FAM216B: variants seen among roughly 807,000 people sequenced by gnomAD.
FAM216B encodes the protein protein FAM216B.
A neutral mutation model predicts 12.9 loss-of-function variants in FAM216B; 11 were observed. That is an observed-to-expected ratio of 0.86 (90% confidence interval 0.54 to 1.42). FAM216B has a LOEUF of 1.42. Ranked by LOEUF, FAM216B falls within the 40% of genes most tolerant of loss-of-function variation. The probability of loss-of-function intolerance (pLI) is 0.00; values close to 1 mark genes in which losing one functional copy is unlikely to be tolerated. For synonymous variants in FAM216B, 52 were observed against 57.2 expected (o/e 0.91, Z 0.41); for missense variants, 167 against 162.9 (o/e 1.02, Z -0.14).
In FAM216B at chr13:42,790,531, A is replaced by G. The variant is rs1164191201; in HGVS notation, c.*1741A>G. The stretch of plus-strand genomic sequence containing the variant: ...AAGGACAAATAGATCTAAGTTGGGC[A>G]AAAGATTCTATTTGTTGGTTCTCCC... On this transcript the variant is annotated 3_prime_UTR_variant, in exon 4 of 4. Transcript: ENST00000313851. The G allele has an allele frequency of 6.6e-6, 1 of 152,170 alleles. No individual in the cohort carries two copies. The highest frequency in any genetic ancestry group is 2.4e-5 in the African/African-American group (1 of 41,444). 9.4% of individuals were successfully genotyped at this position (152,170 alleles called of 1,614,324 possible). A position where few individuals can be genotyped will look rare whatever the true frequency, so the allele number is the denominator to read the frequency against.
intron 3 of FAM216B, among the ~76,000 whole-genome samples, chr13:42,787,905 G>A (rs1186884221): frequency 6.6e-6 from 1 of 152,156 alleles, no homozygotes; most frequent in Non-Finnish European, 1.5e-5. Context: ...TTACAGAAGA[G>A]AAAACTAAAA....
rs61051465 is a variant in FAM216B at position 42,789,636 on chromosome 13, T to TTGTGTGTGTGTGTGTG, written c.*864_*879dup. On this transcript the variant is annotated 3_prime_UTR_variant, in exon 4 of 4. Transcript: ENST00000313851. The stretch of plus-strand genomic sequence containing the variant: ...ATGGTTATTTTCATCACCAGAGATT[T>TTGTGTGTGTGTGTGTG]TGTGTGTGTGTGTGTGTGTGTGTGT... The TTGTGTGTGTGTGTGTG allele has an allele frequency of 1.4e-4, 21 of 150,372 alleles. No homozygotes were observed. The highest frequency in any genetic ancestry group is 5.1e-4 in the African/African-American group (21 of 40,954). 9.3% of individuals were successfully genotyped at this position (150,372 alleles called of 1,614,324 possible).
At chr13:42,784,661 C>A (rs1223785085) in intron 2 of FAM216B, among the ~76,000 whole-genome samples, 51 of 94,740 alleles carry the variant, frequency 5.4e-4, no homozygotes, top group East Asian at 1.5e-3. Context: ...ACTAAAAATA[C>A]AAAAAAAAAA....
chr13:42,786,647 AAC>A, intron 2 of FAM216B, 114 bp from the exon 3 acceptor site: 4 of 1,364,854 alleles, frequency 2.9e-6, no homozygotes, highest in East Asian at 2.5e-5. Flanking sequence ...AAAAAAAAAA[AAC>A]ATATGGTTAG....
intron 1 of FAM216B, 114 bp from the exon 2 acceptor site, chr13:42,783,940 G>A (rs1873955387): frequency 1.7e-6 from 1 of 605,154 alleles, no homozygotes; most frequent in Non-Finnish European, 2.8e-6. Context: ...TTATCCCTTA[G>A]AACAAATTAC....
chr13:42,785,884 A>T (rs1874065906), intron 2 of FAM216B, among the ~76,000 whole-genome samples: 1 of 152,152 alleles, frequency 6.6e-6, no homozygotes, highest in Non-Finnish European at 1.5e-5. Flanking sequence ...TGCTAAGCAC[A>T]TCCCAGGCCT....
intron 3 of FAM216B, among the ~76,000 whole-genome samples, 167 bp from the exon 4 acceptor site, chr13:42,788,423 CA>C (rs1874173775): frequency 6.6e-6 from 1 of 152,026 alleles, no homozygotes; most frequent in Non-Finnish European, 1.5e-5. Context: ...ATGAGAAATA[CA>C]AAAGAAGAAA....
chr13:42,782,016 A>G (rs1010944254), intron 1 of FAM216B, among the ~76,000 whole-genome samples: 4 of 152,228 alleles, frequency 2.6e-5, no homozygotes, highest in African/African-American at 9.7e-5. Context: ...ACAGGAGTAT[A>G]TCTTGGTTGG....
chr13:42,784,778 G>A (rs1874016467), intron 2 of FAM216B, among the ~76,000 whole-genome samples: 1 of 151,246 alleles, frequency 6.6e-6, no homozygotes, highest in Non-Finnish European at 1.5e-5. Context: ...AGGTTGCAGT[G>A]AGCCGAGATC....
Position 42,784,187 on chromosome 13 carries a change from T to TTTTTTTC in FAM216B, c.99+22_99+28dup, listed in dbSNP as rs1555249507. On this transcript the variant is annotated intron_variant, in intron 2 of 3. Coordinates refer to ENST00000313851, the MANE Select transcript of FAM216B (RefSeq NM_001318932.2). ...TAAAGGTATGGCTTTTTTTTTTTTT[T>TTTTTTTC]TTTTTTCACAGATAGAGTGACCTGT... The TTTTTTTC allele has an allele frequency of 2.3e-5, 35 of 1,533,842 alleles. No homozygotes were observed. In the African/African-American group the frequency reaches 4.6e-4, roughly 20 times the overall value.
intron 1 of FAM216B, among the ~76,000 whole-genome samples, chr13:42,782,196 G>C (rs1873881661): frequency 6.6e-6 from 1 of 152,176 alleles, no homozygotes; most frequent in African/African-American, 2.4e-5. Flanking sequence ...ACTCAAATCA[G>C]TCTCCACATG....
rs1285726428 is a variant in FAM216B at position 42,790,841 on chromosome 13, C to T, written c.*2051C>T. On this transcript the variant is annotated 3_prime_UTR_variant, in exon 4 of 4. Transcript: ENST00000313851. The stretch of plus-strand genomic sequence containing the variant: ...CTGAAATTGCTAGCACCTAGAATGG[C>T]CCCCGGTTGCGGTAGGCAATCAATA... The T allele has an allele frequency of 6.6e-6, 1 of 152,270 alleles. No homozygotes were observed. Among genetic ancestry groups the T allele is most frequent in the Non-Finnish European group, 1.5e-5 (1 of 68,006 alleles). The allele number at this position is 152,270 out of a possible 1,614,324, so 9.4% of individuals were successfully genotyped here. A position where few individuals can be genotyped will look rare whatever the true frequency, so the allele number is the denominator to read the frequency against.
At position 42,788,664 on chromosome 13, in the gene FAM216B, G is replaced by T. The variant is rs1034683095; in HGVS notation, c.294G>T (p.Lys98Asn). ...ATTCAACCAAGAGAGCCTCAGCCAA[G>T]GTAGCTCCTCAAAGAACCATTCCCC... ...LRDSTKRASA[K>N]VAPQRTIPRK... is the part of the protein sequence containing the mutation. Residue 98 changes from lysine (K) to asparagine (N), a missense_variant, in exon 4 of 4, where the codon AAG becomes AAT. Coordinates refer to ENST00000313851, the MANE Select transcript of FAM216B (RefSeq NM_001318932.2). 1 of 1,613,822 alleles carries T rather than the reference G, an allele frequency of 6.2e-7. No homozygotes were observed. The highest frequency in any genetic ancestry group is 1.3e-5 in the African/African-American group (1 of 74,906).
Position 42,784,131 on chromosome 13 carries a change from G to A in FAM216B, c.64G>A (p.Val22Ile). 6.5e-7 allele frequency: 1 copy of A among 1,535,442 alleles called. No homozygotes were observed. Among genetic ancestry groups the A allele is most frequent in the South Asian group, 1.1e-5 (1 of 88,802 alleles). The change falls in exon 2 of 4, where the codon GTT becomes ATT. Residue 22 changes from valine (V) to isoleucine (I), a missense_variant. Coordinates refer to ENST00000313851, the MANE Select transcript of FAM216B (RefSeq NM_001318932.2). Reference sequence around the variant, plus strand: ...TGTTCCACAACTTCCTTTTATTCGAGTTCCTCCCTCCATCTATGACACTTC... The same window carrying A: ...TGTTCCACAACTTCCTTTTATTCGAATTCCTCCCTCCATCTATGACACTTC... ...WNVPQLPFIR[V>I]PPSIYDTSLL...
intron 1 of FAM216B, 42 bp downstream of exon 1, chr13:42,781,706 T>A (rs547508499): frequency 6.6e-6 from 1 of 152,332 alleles, no homozygotes; most frequent in East Asian, 1.9e-4. Context: ...GTTTCAGATA[T>A]ATTATTTTGT....
rs562505141 is a variant in FAM216B at position 42,784,066 on chromosome 13, C to T, written c.-2C>T. The T allele has an allele frequency of 5.6e-6, 9 of 1,593,528 alleles. No homozygotes were observed. In the Admixed American group the frequency reaches 7.2e-5, roughly 13 times the overall value. The stretch of plus-strand genomic sequence containing the variant: ...TTGTTTCTTGGAGGTATAGGATAAA[C>T]GATGGGACAAAACTGGAAAAGACAA... On this transcript the variant is annotated 5_prime_UTR_variant, in exon 2 of 4. It adds an upstream start codon to the 5' untranslated region. Coordinates refer to ENST00000313851, the MANE Select transcript of FAM216B (RefSeq NM_001318932.2).
chr13:42,781,881 G>A (rs905398161), intron 1 of FAM216B, among the ~76,000 whole-genome samples: 1 of 152,158 alleles, frequency 6.6e-6, no homozygotes, highest in African/African-American at 2.4e-5. Context: ...TATTTGAGGA[G>A]AGAAGAAATC....
At chr13:42,782,417 A>G (rs1873889819) in intron 1 of FAM216B, among the ~76,000 whole-genome samples, 1 of 152,212 alleles carries the variant, frequency 6.6e-6, no homozygotes, top group African/African-American at 2.4e-5. Flanking sequence ...GGCTTACAGA[A>G]GGAAAGAAAC....
rs560329762 is a variant in FAM216B at position 42,791,010 on chromosome 13, A to G, written c.*2220A>G. 2 of 152,332 alleles carry G rather than the reference A, an allele frequency of 1.3e-5. No homozygotes were observed. The highest frequency in any genetic ancestry group is 1.9e-4 in the East Asian group (1 of 5,192). 9.4% of individuals were successfully genotyped at this position (152,332 alleles called of 1,614,324 possible). On this transcript the variant is annotated 3_prime_UTR_variant, in exon 4 of 4. Transcript: ENST00000313851. ...AATATCAAGGACAGGTGATGAGACAACAAGTCTATCCCGCAAAGGGCAGGG... is the reference window on the plus strand; with the variant it reads ...AATATCAAGGACAGGTGATGAGACAGCAAGTCTATCCCGCAAAGGGCAGGG...
Sources: allele counts gnomAD v4.1 joint callset (sites outside exome capture counted in the v4.1 genomes callset), GRCh38; gene constraint gnomAD v4.1.1; transcripts MANE v1.5; gene names NCBI Gene and HGNC (gene_info 2026-07-23, HGNC 2026-07-21).